Variants in P2RY6 observed in about 807,000 individuals in gnomAD.
The protein encoded by P2RY6 is P2Y purinoceptor 6.
In P2RY6, 19 loss-of-function variants were observed where a neutral mutation model predicts 16.3. The observed-to-expected ratio is 1.16, with a 90% CI of 0.81 to 1.71. P2RY6 has a LOEUF of 1.71. P2RY6 is among the 40% of genes most tolerant of loss of function. The pLI is 0.00. For synonymous variants in P2RY6, 184 were observed against 201.5 expected (o/e 0.91, Z 0.74); for missense variants, 389 against 455.5 (o/e 0.85, Z 1.33).
intron 1 of P2RY6, among the ~76,000 whole-genome samples, chr11:73,281,730 A>G (rs1863771777): frequency 6.6e-6 from 1 of 152,254 alleles, no homozygotes; most frequent in Non-Finnish European, 1.5e-5. Context: ...TCCCATGTCC[A>G]GATGACTGTG....
chr11:73,297,850 A>T lies in P2RY6; in HGVS notation c.*345A>T. The stretch of plus-strand genomic sequence containing the variant: ...CTTTGAGTCACCAATGAAGCGGGTG[A>T]GGGAAGATGAGAGGGGGAGGTGAGA... On this transcript the variant is annotated 3_prime_UTR_variant, in exon 3 of 3. Coordinates refer to ENST00000540124, the MANE Select transcript of P2RY6 (RefSeq NM_001277204.2). The T allele has an allele frequency of 3.7e-6, 1 of 272,352 alleles. No homozygotes were observed. Among genetic ancestry groups the T allele is most frequent in the Non-Finnish European group, 7.4e-6 (1 of 134,826 alleles). The allele number at this position is 272,352 out of a possible 1,614,324, so 16.9% of individuals were successfully genotyped here. A position where few individuals can be genotyped will look rare whatever the true frequency, so the allele number is the denominator to read the frequency against.
upstream of P2RY6, among the ~76,000 whole-genome samples, chr11:73,269,277 C>A (rs547382412): frequency 8.5e-5 from 13 of 152,272 alleles, 1 homozygote; most frequent in South Asian, 2.7e-3. Flanking sequence ...GTCTAAGGGG[C>A]TTCAACCTTG....
At chr11:73,292,159 A>G (rs1864279386) in intron 1 of P2RY6, among the ~76,000 whole-genome samples, 1 of 152,242 alleles carries the variant, frequency 6.6e-6, no homozygotes, top group African/African-American at 2.4e-5. Context: ...TCCACAGCCC[A>G]CGTCCATCAC....
At chr11:73,275,866 G>A (rs1863514907) in intron 1 of P2RY6, among the ~76,000 whole-genome samples, 2 of 152,178 alleles carry the variant, frequency 1.3e-5, no homozygotes, top group South Asian at 4.1e-4. Context: ...CCACTCAGGG[G>A]ATTTATTATA....
At chr11:73,292,927 G>A (rs1279965496) in intron 1 of P2RY6, 4 of 968,722 alleles carry the variant, frequency 4.1e-6, no homozygotes, top group Middle Eastern at 5.2e-4. Context: ...GCCTGTGAGT[G>A]TCAGTGCATC....
intron 1 of P2RY6, among the ~76,000 whole-genome samples, chr11:73,288,439 G>A (rs1242658725): frequency 6.6e-6 from 1 of 152,226 alleles, no homozygotes; most frequent in Non-Finnish European, 1.5e-5. Context: ...AGAAGGGGAA[G>A]TGGGAAAGGA....
At chr11:73,285,102 G>T (rs181245045) in intron 1 of P2RY6, among the ~76,000 whole-genome samples, 1 of 152,160 alleles carries the variant, frequency 6.6e-6, no homozygotes, top group Non-Finnish European at 1.5e-5. Flanking sequence ...ACAGGGTCTC[G>T]CTCTGTAGCC....
chr11:73,270,146 C>T (rs1863240549), upstream of P2RY6: 1 of 152,156 alleles, frequency 6.6e-6, no homozygotes. Flanking sequence ...CTTCATGACA[C>T]TCCTGATATG....
Position 73,272,479 on chromosome 11 carries a change from G to A in P2RY6, c.-121+13G>A, listed in dbSNP as rs939239440. 1.2e-5 allele frequency: 12 copies of A among 985,398 alleles called. No individual in the cohort carries two copies. Among genetic ancestry groups the A allele is most frequent in the Non-Finnish European group, 6.0e-6 (5 of 829,984 alleles). The allele number at this position is 985,398 out of a possible 1,614,324, so 61.0% of individuals were successfully genotyped here. Reference sequence around the variant, plus strand: ...TGCTAACTCTTGGGTGAGTTTTCTGGGTCCATGCCTGGAAGGGCTTGCGCC... The same window carrying A: ...TGCTAACTCTTGGGTGAGTTTTCTGAGTCCATGCCTGGAAGGGCTTGCGCC... On this transcript the variant is annotated intron_variant, in intron 1 of 2. Coordinates refer to ENST00000540124, the MANE Select transcript of P2RY6 (RefSeq NM_001277204.2).
chr11:73,267,733 G>C (rs189210173), upstream of P2RY6, among the ~76,000 whole-genome samples: 1 of 152,204 alleles, frequency 6.6e-6, no homozygotes, highest in African/African-American at 2.4e-5. Context: ...AGCAGGACTG[G>C]TAGCTGACTG....
chr11:73,294,954 A>G (rs542413391), intron 1 of P2RY6, among the ~76,000 whole-genome samples: 2 of 152,298 alleles, frequency 1.3e-5, no homozygotes, highest in Admixed American at 6.5e-5. Flanking sequence ...GAGCATCTGG[A>G]TCAGAGTCCA....
chr11:73,266,216 C>A (rs1365491752), intron 1 of P2RY6, among the ~76,000 whole-genome samples: 1 of 152,208 alleles, frequency 6.6e-6, no homozygotes, highest in Non-Finnish European at 1.5e-5. Context: ...CAGTGACCAC[C>A]TGCTTCCTGG....
At chr11:73,291,864 A>C (rs1864264307) in intron 1 of P2RY6, among the ~76,000 whole-genome samples, 1 of 152,184 alleles carries the variant, frequency 6.6e-6, no homozygotes, top group African/African-American at 2.4e-5. Context: ...GATTGGGGGC[A>C]AAGGTGGAGT....
At position 73,296,233 on chromosome 11, in the gene P2RY6, A is replaced by AAT. The variant is rs1554992362; in HGVS notation, c.-34-228_-34-227dup. 3.4e-3 allele frequency among the ~76,000 whole-genome samples: 425 copies of AAT among 124,482 alleles called. 1 individual carries two copies. Among genetic ancestry groups the AAT allele is most frequent in the East Asian group, 0.015 (70 of 4,704 alleles). The allele number at this position is 124,482 out of a possible 152,430, so 81.7% of individuals were successfully genotyped here. On this transcript the variant is annotated intron_variant, in intron 2 of 2. Coordinates refer to ENST00000540124, the MANE Select transcript of P2RY6 (RefSeq NM_001277204.2). ...CTAGGAAGGCTGAAGGAAAAAAAAA[A>AAT]ATATATATATATATATATATATATA...
chr11:73,282,866 C>A (rs1162966195), intron 1 of P2RY6, among the ~76,000 whole-genome samples: 3 of 152,098 alleles, frequency 2.0e-5, no homozygotes, highest in African/African-American at 7.2e-5. Flanking sequence ...AATAGAAGCC[C>A]CACTGAGCAA....
intron 1 of P2RY6, among the ~76,000 whole-genome samples, chr11:73,287,165 C>T (rs1864001769): frequency 6.6e-6 from 1 of 152,246 alleles, no homozygotes; most frequent in Non-Finnish European, 1.5e-5. Context: ...TGTGGATAGT[C>T]TCCTCCCTGG....
upstream of P2RY6, chr11:73,271,535 G>C (rs562720289): frequency 2.0e-5 from 3 of 152,368 alleles, no homozygotes; most frequent in East Asian, 3.9e-4. Context: ...GGTGGTCAGA[G>C]TGAAACAGAA....
At chr11:73,294,733 A>G (rs149831964) in intron 1 of P2RY6, among the ~76,000 whole-genome samples, 7 of 152,266 alleles carry the variant, frequency 4.6e-5, no homozygotes, top group Non-Finnish European at 8.8e-5. Flanking sequence ...TTTTTCTCTA[A>G]TATAACTTTA....
intron 2 of P2RY6, among the ~76,000 whole-genome samples, chr11:73,296,223 G>GAAAAAAA (rs142793721): frequency 8.2e-6 from 1 of 121,492 alleles, no homozygotes; most frequent in African/African-American, 3.0e-5. Flanking sequence ...AAGGCTGAAG[G>GAAAAAAA]AAAAAAAAAA....
Sources: gnomAD v4.1 joint callset for allele counts (sites outside exome capture counted in the v4.1 genomes callset) on GRCh38, gnomAD v4.1.1 for gene constraint, MANE v1.5 for transcripts, NCBI Gene and HGNC (gene_info 2026-07-23, HGNC 2026-07-21) for gene names.